The following YIPF4 variants were observed in gnomAD, a reference collection of about 807,000 sequenced individuals.
YIPF4 encodes the protein protein YIPF4.
A neutral mutation model predicts 29.4 loss-of-function variants in YIPF4; 18 were observed. That is an observed-to-expected ratio of 0.61 (90% CI 0.42 to 0.91). YIPF4 has a LOEUF of 0.91. Ranked by LOEUF, YIPF4 falls within the 40% of genes least tolerant of loss-of-function variation. YIPF4 has a pLI of 0.00. For synonymous variants in YIPF4, 115 were observed against 104.7 expected, an observed-to-expected ratio of 1.10 and a Z score of -0.60; for missense variants, 279 against 282.7, an observed-to-expected ratio of 0.99 and a Z score of 0.09.
chr2:32,301,118 A>C (rs944704241), intron 4 of YIPF4, among the ~76,000 whole-genome samples: 2 of 152,216 alleles, frequency 1.3e-5, no homozygotes, highest in East Asian at 3.8e-4. Context: ...GGTAGTATGA[A>C]ACTCAAGAGA....
At chr2:32,292,405 A>G (rs1460898950) in intron 3 of YIPF4, 57 bp downstream of exon 3, 5 of 1,232,630 alleles carry the variant, frequency 4.1e-6, no homozygotes, top group Middle Eastern at 2.9e-4. Flanking sequence ...CAAAAATTAA[A>G]TATAATAAGA....
chr2:32,292,817 T>A (rs1480162834), intron 3 of YIPF4, among the ~76,000 whole-genome samples: 2 of 132,230 alleles, frequency 1.5e-5, no homozygotes, highest in Non-Finnish European at 3.0e-5. Context: ...TGAGCCAAGA[T>A]CACGCCACTG....
At chr2:32,289,825 A>G (rs994897575) in intron 1 of YIPF4, among the ~76,000 whole-genome samples, 1 of 152,180 alleles carries the variant, frequency 6.6e-6, no homozygotes, top group Admixed American at 6.5e-5. Context: ...GCCTTTATTT[A>G]TTTTTGCCAA....
rs2031772499 is a variant in YIPF4 at position 32,314,032 on chromosome 2, T to C, written c.*8406T>C. On this transcript the variant is annotated 3_prime_UTR_variant, in exon 6 of 6. Transcript: ENST00000238831. Reference sequence around the variant, plus strand: ...TAATACTAAAGGCCAAGATATGCAATTATACTCTTGACATATATTCAACCG... The same window carrying C: ...TAATACTAAAGGCCAAGATATGCAACTATACTCTTGACATATATTCAACCG... The C allele has an allele frequency of 6.6e-6, 1 of 152,212 alleles. No homozygotes were observed. Among genetic ancestry groups the C allele is most frequent in the South Asian group, 2.1e-4 (1 of 4,834 alleles). The allele number at this position is 152,212 out of a possible 1,614,324, so 9.4% of individuals were successfully genotyped here.
chr2:32,288,908 G>A (rs920870577), intron 1 of YIPF4, among the ~76,000 whole-genome samples: 2 of 151,606 alleles, frequency 1.3e-5, no homozygotes, highest in Admixed American at 6.6e-5. Context: ...CAGAGGTTGC[G>A]GTGAGCCGAG....
rs1019598902 is a variant in YIPF4 at position 32,316,505 on chromosome 2, A to G, written c.*10879A>G. The G allele has an allele frequency of 1.3e-5, 2 of 152,212 alleles. No individual in the cohort carries two copies. Among genetic ancestry groups the G allele is most frequent in the African/African-American group, 2.4e-5 (1 of 41,462 alleles). The allele number at this position is 152,212 out of a possible 1,614,324, so 9.4% of individuals were successfully genotyped here. On this transcript the variant is annotated 3_prime_UTR_variant, in exon 6 of 6. Transcript: ENST00000238831. ...GATAGAGACCAGCATGACTGTCTCA[A>G]TTGTTAAACTATTGAAATGCATCTG... is the stretch of plus-strand genomic sequence containing the variant.
intron 1 of YIPF4, among the ~76,000 whole-genome samples, chr2:32,284,897 A>G (rs1038826085): frequency 6.6e-6 from 1 of 152,082 alleles, no homozygotes. Context: ...TGGATAAGAT[A>G]GGGCATGTAG....
Position 32,306,113 on chromosome 2 carries a change from T to TAAA in YIPF4, c.*489_*490insAAA. The TAAA allele has an allele frequency of 1.3e-6, 1 of 774,938 alleles. No individual in the cohort carries two copies. The highest frequency in any genetic ancestry group is 1.3e-4 in the East Asian group (1 of 7,814). 48.0% of individuals were successfully genotyped at this position (774,938 alleles called of 1,614,324 possible). A position where few individuals can be genotyped will look rare whatever the true frequency, so the allele number is the denominator to read the frequency against. ...CACAAAATATATTTCTGATAAACATTAAGATATTAAATCTGATGCACAAAC... is the reference window on the plus strand; with the variant it reads ...CACAAAATATATTTCTGATAAACATTAAAAAGATATTAAATCTGATGCACAAAC... On this transcript the variant is annotated 3_prime_UTR_variant, in exon 6 of 6. Transcript: ENST00000238831.
rs1482101204 is a variant in YIPF4, at chr2:32,312,482, C to G, written c.*6856C>G. 2.3e-5 allele frequency: 1 copy of G among 42,814 alleles called. No individual in the cohort carries two copies. The highest frequency in any genetic ancestry group is 4.0e-5 in the Non-Finnish European group (1 of 24,926). 2.7% of individuals were successfully genotyped at this position (42,814 alleles called of 1,614,324 possible). ...CAGCCTGGGCGACAGAGCGAGAATC[C>G]GTCTCAAAAAAAAAAAAAAAAAAAA... On this transcript the variant is annotated 3_prime_UTR_variant, in exon 6 of 6. Coordinates refer to ENST00000238831, the MANE Select transcript of YIPF4 (RefSeq NM_032312.4).
chr2:32,302,990 G>GT (rs560429485), intron 5 of YIPF4, among the ~76,000 whole-genome samples: 10 of 152,130 alleles, frequency 6.6e-5, no homozygotes, highest in Non-Finnish European at 1.5e-4. Context: ...GTCTTCCGAG[G>GT]TATCTTAACT....
chr2:32,285,576 G>C (rs534552169), intron 1 of YIPF4, among the ~76,000 whole-genome samples: 12 of 151,198 alleles, frequency 7.9e-5, no homozygotes, highest in Admixed American at 7.9e-4. Context: ...CCTATTCTTT[G>C]TTTGAAATTC....
At chr2:32,293,836 C>CG (rs1254194513) in intron 3 of YIPF4, among the ~76,000 whole-genome samples, 4 of 146,790 alleles carry the variant, frequency 2.7e-5, no homozygotes, top group Non-Finnish European at 6.0e-5. Context: ...GCTGGCCAGG[C>CG]GGGGGGCTGA....
Position 32,306,483 on chromosome 2 carries a change from T to C in YIPF4, c.*857T>C. 1.9e-5 allele frequency: 19 copies of C among 983,944 alleles called. No homozygotes were observed. The highest frequency in any genetic ancestry group is 2.3e-5 in the Non-Finnish European group (19 of 828,408). The allele number at this position is 983,944 out of a possible 1,614,324, so 61.0% of individuals were successfully genotyped here. On this transcript the variant is annotated 3_prime_UTR_variant, in exon 6 of 6. Coordinates refer to ENST00000238831, the MANE Select transcript of YIPF4 (RefSeq NM_032312.4). Reference sequence around the variant, plus strand: ...AATATTTTTAAGTGGTACTTCTAAATCATAAAAGTTGGGGAAAGAGACCTT... The same window carrying C: ...AATATTTTTAAGTGGTACTTCTAAACCATAAAAGTTGGGGAAAGAGACCTT...
intron 3 of YIPF4, among the ~76,000 whole-genome samples, chr2:32,293,904 A>G (rs1384338175): frequency 8.3e-5 from 5 of 60,192 alleles, no homozygotes; most frequent in African/African-American, 2.7e-4. Context: ...GACCCCCCCC[A>G]CCTCCCTCCC....
At position 32,277,931 on chromosome 2, in the gene YIPF4, C is replaced by T. The variant is rs372303321; in HGVS notation, c.-225C>T. The T allele has an allele frequency of 1.1e-4, 58 of 525,058 alleles. 1 individual carries two copies. Among genetic ancestry groups the T allele is most frequent in the African/African-American group, 6.3e-4 (31 of 48,966 alleles). The allele number at this position is 525,058 out of a possible 1,614,324, so 32.5% of individuals were successfully genotyped here. ...CACTGTTATGGTCCTGTCAGGGTGC[C>T]GGCGTCGTGGTGCTTGGGTGGTCGC... On this transcript the variant is annotated 5_prime_UTR_variant, in exon 1 of 6. Transcript: ENST00000238831.
chr2:32,293,833 A>G (rs375927585), intron 3 of YIPF4, among the ~76,000 whole-genome samples: 16 of 120,124 alleles, frequency 1.3e-4, no homozygotes, highest in South Asian at 2.8e-4. Flanking sequence ...GCGGCTGGCC[A>G]GGCGGGGGGC....
intron 1 of YIPF4, 134 bp from the exon 2 acceptor site, chr2:32,290,349 G>A (rs2030856987): frequency 1.9e-6 from 1 of 516,980 alleles, no homozygotes; most frequent in Non-Finnish European, 3.0e-6. Flanking sequence ...TATAAAATTT[G>A]AAGATTATAT....
chr2:32,295,949 G>A (rs552559761), intron 3 of YIPF4, among the ~76,000 whole-genome samples: 31 of 152,222 alleles, frequency 2.0e-4, no homozygotes, highest in Non-Finnish European at 3.4e-4. Context: ...TTAGGGCCCA[G>A]CAAGGTAATC....
At chr2:32,295,010 G>C (rs1408464557) in intron 3 of YIPF4, among the ~76,000 whole-genome samples, 1 of 151,428 alleles carries the variant, frequency 6.6e-6, no homozygotes, top group Non-Finnish European at 1.5e-5. Flanking sequence ...GAGCCGAGAT[G>C]GCAGCAGTAC....
Sources: gnomAD v4.1 joint callset for allele counts (sites outside exome capture counted in the v4.1 genomes callset) on GRCh38, gnomAD v4.1.1 for gene constraint, MANE v1.5 for transcripts, NCBI Gene and HGNC (gene_info 2026-07-23, HGNC 2026-07-21) for gene names.